PRKCE: variants seen among roughly 807,000 people sequenced by gnomAD.
PRKCE encodes the protein protein kinase C epsilon.
PRKCE carries 16 observed loss-of-function variants against 85.4 expected under a neutral mutation model. The ratio of observed to expected loss-of-function variants is 0.19; its 90% CI spans 0.13 to 0.28. PRKCE has a LOEUF of 0.28. PRKCE is among the 10% of genes least tolerant of loss of function. The probability of loss-of-function intolerance (pLI) is 1.00; values close to 1 mark genes in which losing one functional copy is unlikely to be tolerated. For missense variants in PRKCE, 573 were observed against 975.2 expected (o/e 0.59, Z 5.49); for synonymous variants, 388 against 371.5 (o/e 1.04, Z -0.51).
intron 2 of PRKCE, among the ~76,000 whole-genome samples, chr2:45,874,422 A>C (rs1409366056): frequency 1.3e-5 from 2 of 152,316 alleles, no homozygotes; most frequent in Middle Eastern, 3.4e-3. Context: ...GAGGGAGGAA[A>C]GAGGCTGCTG....
intron 1 of PRKCE, among the ~76,000 whole-genome samples, chr2:45,667,582 C>T (rs1340425504): frequency 6.6e-6 from 1 of 151,934 alleles, no homozygotes; most frequent in Non-Finnish European, 1.5e-5. Context: ...ATTGCATGCA[C>T]GCACACACCT....
chr2:46,135,034 G>A (rs1553358337), intron 11 of PRKCE, among the ~76,000 whole-genome samples: 1 of 152,222 alleles, frequency 6.6e-6, no homozygotes, highest in Non-Finnish European at 1.5e-5. Context: ...GCCACAGGCT[G>A]TTTATTATTA....
In PRKCE at chr2:46,187,817, T is replaced by G. The variant is rs1159535420; in HGVS notation, c.*2936T>G. On this transcript the variant is annotated 3_prime_UTR_variant, in exon 15 of 15. Transcript: ENST00000306156. Reference sequence around the variant, plus strand: ...ATTCAATTTTAGGATTTTTTTTTTTTGTATTGTGATGCTTTATTTGTACAT... The same window carrying G: ...ATTCAATTTTAGGATTTTTTTTTTTGGTATTGTGATGCTTTATTTGTACAT... The G allele has an allele frequency of 1.3e-5, 2 of 151,010 alleles. No homozygotes were observed. The highest frequency in any genetic ancestry group is 5.0e-5 in the African/African-American group (2 of 40,192). The allele number at this position is 151,010 out of a possible 1,614,324, so 9.4% of individuals were successfully genotyped here. A position where few individuals can be genotyped will look rare whatever the true frequency, so the allele number is the denominator to read the frequency against.
chr2:46,085,736 G>GTTTTTGTTTTTTTTTTTTTT (rs1669545259), intron 10 of PRKCE, among the ~76,000 whole-genome samples: 1 of 104,564 alleles, frequency 9.6e-6, no homozygotes. Flanking sequence ...TGCAAAATCC[G>GTTTTTGTTTTTTTTTTTTTT]TTTTTTTTTT....
chr2:46,137,967 T>G (rs1347013519), intron 11 of PRKCE, among the ~76,000 whole-genome samples: 2 of 152,224 alleles, frequency 1.3e-5, no homozygotes, highest in Non-Finnish European at 2.9e-5. Flanking sequence ...TTTTCCATTT[T>G]CCTACCCTAA....
At chr2:46,000,447 C>G (rs1292277132) in intron 6 of PRKCE, among the ~76,000 whole-genome samples, 5 of 102,016 alleles carry the variant, frequency 4.9e-5, no homozygotes, top group Non-Finnish European at 7.8e-5. Context: ...GATAAAACCT[C>G]AATCTCTGAT....
chr2:45,794,848 C>A (rs977829249), intron 1 of PRKCE, among the ~76,000 whole-genome samples: 4 of 144,042 alleles, frequency 2.8e-5, no homozygotes, highest in Non-Finnish European at 4.6e-5. Flanking sequence ...TTGCCCTACC[C>A]CCCCCCCCAT....
chr2:45,744,445 CTTTCTTTCTTT>C (rs1558623274), intron 1 of PRKCE, among the ~76,000 whole-genome samples: 11 of 54,066 alleles, frequency 2.0e-4, no homozygotes, highest in Non-Finnish European at 2.9e-4. Flanking sequence ...TTCTTTCTTT[CTTTCTTTCTTT>C]CTTTCTTTCT....
intron 2 of PRKCE, among the ~76,000 whole-genome samples, chr2:45,920,244 T>C (rs899627050): frequency 1.3e-5 from 2 of 152,126 alleles, no homozygotes; most frequent in African/African-American, 4.8e-5. Context: ...AGGATAAACT[T>C]TGGAGGATGA....
Position 46,004,087 on chromosome 2 carries a change from C to A in PRKCE, c.967-455C>A. ...GATAACCACCTTGCTGGGGTAGATA[C>A]CCACGTGGATAGTTGAACATTAGCC... is the stretch of plus-strand genomic sequence containing the variant. On this transcript the variant is annotated intron_variant, in intron 7 of 14. Coordinates refer to ENST00000306156, the MANE Select transcript of PRKCE (RefSeq NM_005400.3). This position sits in a 1 kb window ranked among gnomAD's most constrained non-coding sequence, Gnocchi z 4.1. The A allele has an allele frequency of 4.4e-6, 1 of 226,198 alleles. No homozygotes were observed. The allele number at this position is 226,198 out of a possible 1,614,324, so 14.0% of individuals were successfully genotyped here. A position where few individuals can be genotyped will look rare whatever the true frequency, so the allele number is the denominator to read the frequency against.
chr2:45,664,807 G>A (rs1161658696), intron 1 of PRKCE, among the ~76,000 whole-genome samples: 1 of 152,198 alleles, frequency 6.6e-6, no homozygotes, highest in Admixed American at 6.5e-5. Flanking sequence ...TGTGGTAACT[G>A]AGGCTTAAGG....
chr2:46,049,141 C>T (rs991037293), intron 10 of PRKCE, among the ~76,000 whole-genome samples: 1 of 152,164 alleles, frequency 6.6e-6, no homozygotes, highest in Non-Finnish European at 1.5e-5. Flanking sequence ...CTTTCCCCTT[C>T]TTGACTGAGC....
chr2:45,784,843 G>T (rs1259416802), intron 1 of PRKCE, among the ~76,000 whole-genome samples: 1 of 152,190 alleles, frequency 6.6e-6, no homozygotes, highest in Non-Finnish European at 1.5e-5. Context: ...GAGAAGGGGA[G>T]AACTTTCTGG....
chr2:46,164,585 C>A (rs925379804), intron 14 of PRKCE, among the ~76,000 whole-genome samples: 1 of 152,126 alleles, frequency 6.6e-6, no homozygotes, highest in South Asian at 2.1e-4. Context: ...CTGGGTGACC[C>A]GGGGCGGGGG....
intron 2 of PRKCE, among the ~76,000 whole-genome samples, chr2:45,963,551 C>T (rs538262716): frequency 9.2e-5 from 14 of 152,298 alleles, no homozygotes; most frequent in East Asian, 3.9e-4. Flanking sequence ...TCAGGTGATC[C>T]GCCCACCTTG....
chr2:45,690,984 AC>A (rs547345033), intron 1 of PRKCE, among the ~76,000 whole-genome samples: 85 of 152,372 alleles, frequency 5.6e-4, no homozygotes, highest in African/African-American at 1.9e-3. Context: ...TTTAATATTT[AC>A]CAAAAAGCTT....
intron 1 of PRKCE, chr2:45,686,219 T>C (rs1159234597): frequency 6.6e-6 from 1 of 152,172 alleles, no homozygotes. Context: ...TTTTCCTGCT[T>C]CTATTCTGTT....
chr2:45,710,297 G>A (rs1679511629), intron 1 of PRKCE, among the ~76,000 whole-genome samples: 1 of 152,214 alleles, frequency 6.6e-6, no homozygotes, highest in Non-Finnish European at 1.5e-5. Flanking sequence ...CAGCAGTAAA[G>A]CAAGAGGCCA....
At chr2:46,133,604 G>C (rs1229218142) in intron 11 of PRKCE, among the ~76,000 whole-genome samples, 4 of 152,164 alleles carry the variant, frequency 2.6e-5, no homozygotes, top group Non-Finnish European at 5.9e-5. Context: ...ACTTCATAGA[G>C]ACCCTGCCCA....
Sources: allele counts gnomAD v4.1 joint callset (sites outside exome capture counted in the v4.1 genomes callset), GRCh38; gene constraint gnomAD v4.1.1; non-coding constraint Gnocchi (gnomAD v3.1); transcripts MANE v1.5; gene names NCBI Gene and HGNC (gene_info 2026-07-23, HGNC 2026-07-21).